TENM3: variants seen among roughly 807,000 people sequenced by gnomAD.
TENM3 encodes teneurin transmembrane protein 3, also known as teneurin-3.
TENM3 carries 63 observed loss-of-function variants against 255.1 expected under a neutral mutation model. The observed-to-expected ratio is 0.25, with a 90% confidence interval of 0.20 to 0.30. The LOEUF is 0.30. Among genes scored for constraint, TENM3 ranks in the 10% least tolerant of loss-of-function variants. The pLI is 1.00. For synonymous variants in TENM3, 1,306 were observed against 1,322.3 expected (o/e 0.99, Z 0.27); for missense variants, 2,929 against 3,461.1 (o/e 0.85, Z 3.86).
chr4:182,632,903 A>G (rs1276194229), intron 5 of TENM3, among the ~76,000 whole-genome samples: 2 of 150,700 alleles, frequency 1.3e-5, no homozygotes, highest in Non-Finnish European at 2.9e-5. Context: ...TACTTATCTA[A>G]TCTAAGTATT....
intron 3 of TENM3, among the ~76,000 whole-genome samples, chr4:182,564,893 T>C (rs537081840): frequency 2.7e-4 from 41 of 152,226 alleles, no homozygotes; most frequent in Non-Finnish European, 4.1e-4. Context: ...CTCTTAGCTT[T>C]TATGTCTGTT....
chr4:182,028,811 T>C, the TENM3 span, among the ~76,000 whole-genome samples: 3 of 152,188 alleles, frequency 2.0e-5, no homozygotes, highest in Non-Finnish European at 4.4e-5. Context: ...GAGAAGATGC[T>C]TGATATTATT....
rs1468101977 is a variant in TENM3, at chr4:182,801,518, G to C, written c.*1167G>C. The stretch of plus-strand genomic sequence containing the variant: ...GGGAGTTGTTGATATAATTAACCCC[G>C]AGGTTTTTACTGTTACTGTTCCAAA... On this transcript the variant is annotated 3_prime_UTR_variant, in exon 28 of 28. Transcript: ENST00000511685. 6.6e-6 allele frequency: 1 copy of C among 152,200 alleles called. No homozygotes were observed. The highest frequency in any genetic ancestry group is 1.5e-5 in the Non-Finnish European group (1 of 68,048). The allele number at this position is 152,200 out of a possible 1,614,324, so 9.4% of individuals were successfully genotyped here.
At chr4:182,318,171 A>T (rs966776301) in intron 1 of TENM3, among the ~76,000 whole-genome samples, 1 of 152,306 alleles carries the variant, frequency 6.6e-6, no homozygotes. Flanking sequence ...GAAAACAGAT[A>T]AAAATGGAAG....
At chr4:182,798,323 C>A (rs1342852298) in intron 27 of TENM3, among the ~76,000 whole-genome samples, 2 of 152,204 alleles carry the variant, frequency 1.3e-5, no homozygotes, top group African/African-American at 4.8e-5. Context: ...TGTGTTTTTA[C>A]TGTACCTCTT....
intron 3 of TENM3, among the ~76,000 whole-genome samples, chr4:182,406,880 T>A (rs575272851): frequency 6.6e-6 from 1 of 152,330 alleles, no homozygotes; most frequent in African/African-American, 2.4e-5. Flanking sequence ...ACGTTTCATG[T>A]CCTGTTCATA....
At chr4:182,677,572 T>C (rs560726250) in intron 7 of TENM3, among the ~76,000 whole-genome samples, 1 of 152,346 alleles carries the variant, frequency 6.6e-6, no homozygotes, top group East Asian at 1.9e-4. Context: ...GCTGAATTAA[T>C]TTTCCTCTGA....
chr4:182,085,411 A>G, the TENM3 span, among the ~76,000 whole-genome samples: 7 of 152,198 alleles, frequency 4.6e-5, no homozygotes, highest in African/African-American at 1.7e-4. Flanking sequence ...AGGCCCATAA[A>G]TCACAAGAAA....
chr4:181,686,626 G>A, the TENM3 span, among the ~76,000 whole-genome samples: 1 of 152,068 alleles, frequency 6.6e-6, no homozygotes, highest in Admixed American at 6.6e-5. Flanking sequence ...TAGCAGAAGA[G>A]GCAGCATATC....
intron 1 of TENM3, among the ~76,000 whole-genome samples, chr4:182,249,769 A>G (rs1561242275): frequency 6.6e-6 from 1 of 151,880 alleles, no homozygotes; most frequent in Non-Finnish European, 1.5e-5. Flanking sequence ...TTTTTTATTT[A>G]TTTAGTTTTT....
intron 3 of TENM3, among the ~76,000 whole-genome samples, chr4:182,576,655 A>T (rs955128655): frequency 6.6e-6 from 1 of 152,142 alleles, no homozygotes; most frequent in Non-Finnish European, 1.5e-5. Flanking sequence ...CCTCTTAATT[A>T]TCTCTTGAAT....
upstream of TENM3, chr4:182,142,232 T>C (rs1328708258): frequency 6.6e-6 from 1 of 152,132 alleles, no homozygotes; most frequent in Non-Finnish European, 1.5e-5. Flanking sequence ...AGGAGATGGA[T>C]CTATCCCAGG....
At chr4:181,769,893 T>C in the TENM3 span, among the ~76,000 whole-genome samples, 3 of 152,230 alleles carry the variant, frequency 2.0e-5, no homozygotes, top group Non-Finnish European at 4.4e-5. Context: ...ATTAAATTTA[T>C]AGAGCCTAAA....
At chr4:181,762,629 G>T in the TENM3 span, among the ~76,000 whole-genome samples, 1 of 152,190 alleles carries the variant, frequency 6.6e-6, no homozygotes, top group African/African-American at 2.4e-5. Context: ...TGGGTGAGAA[G>T]CAGGGACTGA....
intron 22 of TENM3, among the ~76,000 whole-genome samples, chr4:182,766,403 T>TAAAC (rs1436224198): frequency 6.6e-6 from 1 of 152,150 alleles, no homozygotes; most frequent in Non-Finnish European, 1.5e-5. Flanking sequence ...CAGACTGTCT[T>TAAAC]AAACATGATT....
chr4:181,740,192 GAA>G, the TENM3 span, among the ~76,000 whole-genome samples: 3 of 151,924 alleles, frequency 2.0e-5, no homozygotes, highest in East Asian at 5.8e-4. Flanking sequence ...TTAGTAGCCT[GAA>G]ATAAAATTTA....
chr4:182,038,631 A>G, the TENM3 span, among the ~76,000 whole-genome samples: 1 of 152,242 alleles, frequency 6.6e-6, no homozygotes, highest in Admixed American at 6.5e-5. Flanking sequence ...CTACATTGCA[A>G]CAATTACATG....
At chr4:182,172,134 G>C (rs912077187) in intron 1 of TENM3, among the ~76,000 whole-genome samples, 4 of 151,714 alleles carry the variant, frequency 2.6e-5, no homozygotes, top group Non-Finnish European at 4.4e-5. Context: ...AATGTCTGTC[G>C]TGTTGTACAT....
chr4:182,748,033 C>T (rs1027845861), intron 19 of TENM3, among the ~76,000 whole-genome samples: 1 of 152,152 alleles, frequency 6.6e-6, no homozygotes, highest in Admixed American at 6.6e-5. Flanking sequence ...GTGAATATTT[C>T]TCTAGTCTAA....
Sources: allele counts gnomAD v4.1 joint callset (sites outside exome capture counted in the v4.1 genomes callset), GRCh38; gene constraint gnomAD v4.1.1; transcripts MANE v1.5; gene names NCBI Gene and HGNC (gene_info 2026-07-23, HGNC 2026-07-21).